The following LRRK2 variants were observed in gnomAD, a reference collection of about 807,000 sequenced individuals.
LRRK2 encodes the protein leucine rich repeat kinase 2, also known as leucine-rich repeat serine/threonine-protein kinase 2.
A neutral mutation model predicts 302.6 loss-of-function variants in LRRK2; 203 were observed. That is an observed-to-expected ratio of 0.67 (90% CI 0.60 to 0.75). The LOEUF (loss-of-function observed/expected upper bound fraction) is 0.75, where lower values mean the gene tolerates loss of function less well. Among genes scored for constraint, LRRK2 ranks in the 30% least tolerant of loss-of-function variants. The pLI is 0.00. For synonymous variants in LRRK2, 1,066 were observed against 1,031.9 expected (o/e 1.03, Z -0.63); for missense variants, 2,830 against 2,951.0 (o/e 0.96, Z 0.95).
At chr12:40,342,925 T>C (rs1946089712) in intron 41 of LRRK2, among the ~76,000 whole-genome samples, 1 of 152,190 alleles carries the variant, frequency 6.6e-6, no homozygotes, top group South Asian at 2.1e-4. Flanking sequence ...GGGCTTGTGC[T>C]TAGCTCTATC....
At chr12:40,333,895 T>A (rs1360849698) in intron 39 of LRRK2, among the ~76,000 whole-genome samples, 2 of 152,076 alleles carry the variant, frequency 1.3e-5, no homozygotes, top group South Asian at 2.1e-4. Flanking sequence ...ATTGAATGAA[T>A]GCCAATGTGG....
chr12:40,348,987 C>T (rs1158018944), intron 43 of LRRK2, among the ~76,000 whole-genome samples: 1 of 151,814 alleles, frequency 6.6e-6, no homozygotes, highest in East Asian at 1.9e-4. Context: ...CTATTTGGTC[C>T]TGTTGTAGAG....
At chr12:40,285,006 A>G (rs761324321) in intron 19 of LRRK2, among the ~76,000 whole-genome samples, 5 of 152,132 alleles carry the variant, frequency 3.3e-5, no homozygotes, top group African/African-American at 4.8e-5. Context: ...GCCTTTATAC[A>G]TCAAGGTTTC....
At chr12:40,286,725 C>T (rs546015547) in intron 19 of LRRK2, 2 of 153,274 alleles carry the variant, frequency 1.3e-5, no homozygotes, top group African/African-American at 4.8e-5. Context: ...ATCTTCCTGG[C>T]TGTATGTAGA....
chr12:40,263,657 A>G (rs1942877256), intron 13 of LRRK2, 132 bp from the exon 14 acceptor site: 2 of 576,530 alleles, frequency 3.5e-6, no homozygotes, highest in African/African-American at 1.9e-5. Flanking sequence ...TTTGATAAGG[A>G]AACATGTACT....
chr12:40,283,282 C>T (rs1364553517), intron 18 of LRRK2, among the ~76,000 whole-genome samples: 3 of 152,162 alleles, frequency 2.0e-5, no homozygotes, highest in African/African-American at 7.2e-5. Context: ...ACCCTGAACA[C>T]ATGCTCTGAA....
At chr12:40,251,168 T>C in intron 8 of LRRK2, 64 bp from the exon 9 acceptor site, 1 of 1,104,224 alleles carries the variant, frequency 9.1e-7, no homozygotes, top group East Asian at 2.6e-5. Context: ...GGACTTAGAG[T>C]TGGTCAAACT....
Position 40,363,447 on chromosome 12 carries a change from G to A in LRRK2, c.7074G>A (p.Val2358=). The stretch of plus-strand genomic sequence containing the variant: ...GTGATTCCAACATCATAACAGTGGT[G>A]GTAGACACTGCTCTCTATATTGCTA... ...AFSDSNIITV[V]VDTALYIAKQ... is the part of the protein sequence containing the mutation. The change falls in exon 48 of 51, where the codon GTG becomes GTA. Residue 2358 remains valine, a synonymous_variant. Coordinates refer to ENST00000298910, the MANE Select transcript of LRRK2 (RefSeq NM_198578.4). The A allele has an allele frequency of 6.2e-7, 1 of 1,611,928 alleles. No homozygotes were observed. Among genetic ancestry groups the A allele is most frequent in the Non-Finnish European group, 8.5e-7 (1 of 1,178,672 alleles).
intron 43 of LRRK2, among the ~76,000 whole-genome samples, chr12:40,349,051 T>G (rs1946278170): frequency 6.6e-6 from 1 of 152,188 alleles, no homozygotes. Flanking sequence ...CTTCAAACAT[T>G]TTAAAAGTTT....
Position 40,240,509 on chromosome 12 carries a change from G to C in LRRK2, c.598G>C (p.Val200Leu), listed in dbSNP as rs771247650. 1 of 1,613,162 alleles carries C rather than the reference G, an allele frequency of 6.2e-7. No individual in the cohort carries two copies. The highest frequency in any genetic ancestry group is 1.1e-5 in the South Asian group (1 of 91,048). The change falls in exon 6 of 51, where the codon GTT (valine) becomes CTT (leucine). Residue 200 changes from valine to leucine, a missense_variant. This residue lies in a region of LRRK2 where 2,121 missense variants were observed against 2,148.0 expected (regional missense o/e 0.99). Coordinates refer to ENST00000298910, the MANE Select transcript of LRRK2 (RefSeq NM_198578.4). Reference protein sequence around the residue: ...RVSEEQLTEFVENKDYMILLS... With the variant: ...RVSEEQLTEFLENKDYMILLS... ...CTCAGAGGAGCAACTGACTGAATTTGTTGAGAACAAAGATTATATGATATT... is the reference window on the plus strand; with the variant it reads ...CTCAGAGGAGCAACTGACTGAATTTCTTGAGAACAAAGATTATATGATATT...
chr12:40,301,497 AC>A (rs768729069), intron 25 of LRRK2, among the ~76,000 whole-genome samples: 6 of 152,134 alleles, frequency 3.9e-5, no homozygotes, highest in Admixed American at 2.6e-4. Flanking sequence ...TGTTTTCCAT[AC>A]AGCATATGAA....
intron 38 of LRRK2, among the ~76,000 whole-genome samples, chr12:40,326,663 C>T (rs1378125037): frequency 6.6e-6 from 1 of 152,062 alleles, no homozygotes; most frequent in Non-Finnish European, 1.5e-5. Flanking sequence ...GACCGATTCT[C>T]TCCCTTCCCC....
intron 7 of LRRK2, among the ~76,000 whole-genome samples, chr12:40,246,696 A>G (rs1338179937): frequency 1.3e-5 from 2 of 152,138 alleles, no homozygotes. Context: ...GTCAGAGCAC[A>G]GGACTGACCT....
intron 26 of LRRK2, 26 bp from the exon 27 acceptor site, chr12:40,303,922 T>C (rs1944715085): frequency 1.2e-6 from 2 of 1,608,908 alleles, no homozygotes; most frequent in Non-Finnish European, 1.7e-6. Context: ...TCATTTGGTT[T>C]ATGTCTTTTC....
intron 13 of LRRK2, among the ~76,000 whole-genome samples, chr12:40,261,033 T>A (rs17465891): frequency 8.5e-5 from 13 of 152,100 alleles, no homozygotes; most frequent in Non-Finnish European, 1.6e-4. Context: ...TCTTCAGTCA[T>A]TTTTTTCTGG....
At chr12:40,343,614 T>C (rs1307041634) in intron 41 of LRRK2, among the ~76,000 whole-genome samples, 2 of 152,254 alleles carry the variant, frequency 1.3e-5, no homozygotes, top group Non-Finnish European at 2.9e-5. Flanking sequence ...CTTATTGCGT[T>C]TGTTAAAATG....
chr12:40,294,925 G>A lies in LRRK2; in HGVS notation c.2878+11G>A. 1 of 1,453,008 alleles carries A rather than the reference G, an allele frequency of 6.9e-7. No individual in the cohort carries two copies. The highest frequency in any genetic ancestry group is 1.2e-5 in the South Asian group (1 of 84,494). The allele number at this position is 1,453,008 out of a possible 1,614,324, so 90.0% of individuals were successfully genotyped here. ...CAGATGATTCACTCAGTAAGTATTT[G>A]GATGTAATCATAAGTAAATAGATAT... is the stretch of plus-strand genomic sequence containing the variant. On this transcript the variant is annotated intron_variant, in intron 22 of 50. Transcript: ENST00000298910.
At chr12:40,244,500 G>A (rs1941883973) in intron 7 of LRRK2, among the ~76,000 whole-genome samples, 1 of 151,972 alleles carries the variant, frequency 6.6e-6, no homozygotes, top group African/African-American at 2.4e-5. Flanking sequence ...ATTTGGTGCA[G>A]AGATATACAT....
At chr12:40,281,020 A>G (rs1340972620) in intron 18 of LRRK2, among the ~76,000 whole-genome samples, 1 of 150,582 alleles carries the variant, frequency 6.6e-6, no homozygotes, top group African/African-American at 2.4e-5. Flanking sequence ...GTGAGCCTAG[A>G]TCGCGCCACT....
Sources: allele counts gnomAD v4.1 joint callset (sites outside exome capture counted in the v4.1 genomes callset), GRCh38; gene constraint gnomAD v4.1.1; regional missense constraint gnomAD v4.1.1; transcripts MANE v1.5; gene names NCBI Gene and HGNC (gene_info 2026-07-23, HGNC 2026-07-21).